Variants in WWP1 observed in about 807,000 individuals in gnomAD.
WWP1 encodes WW domain containing E3 ubiquitin protein ligase 1, also known as NEDD4-like E3 ubiquitin-protein ligase WWP1.
A neutral mutation model predicts 130.6 loss-of-function variants in WWP1; 49 were observed. The ratio of observed to expected loss-of-function variants is 0.38; its 90% CI spans 0.30 to 0.48. WWP1 has a LOEUF of 0.48. Among genes scored for constraint, WWP1 ranks in the 20% least tolerant of loss-of-function variants. WWP1 has a pLI of 0.99. For missense variants in WWP1, 809 were observed against 1,100.6 expected (o/e 0.74, Z 3.75); for synonymous variants, 332 against 367.8 (o/e 0.90, Z 1.11).
At chr8:86,379,012 C>T (rs1051280990) in intron 3 of WWP1, among the ~76,000 whole-genome samples, 4 of 152,170 alleles carry the variant, frequency 2.6e-5, no homozygotes, top group Non-Finnish European at 4.4e-5. Flanking sequence ...TAGTAAGTGG[C>T]ACATTTGAAA....
At chr8:86,414,650 A>T (rs915863592) in intron 9 of WWP1, among the ~76,000 whole-genome samples, 2 of 152,190 alleles carry the variant, frequency 1.3e-5, no homozygotes, top group East Asian at 3.9e-4. Context: ...GGATAGGACT[A>T]TGGGTGCCTC....
intron 3 of WWP1, among the ~76,000 whole-genome samples, chr8:86,376,393 A>G (rs1191140459): frequency 1.3e-5 from 2 of 151,806 alleles, no homozygotes; most frequent in African/African-American, 4.8e-5. Flanking sequence ...ACATGGTGAA[A>G]CCCCATCTCT....
At chr8:86,425,518 A>G (rs542582198) in intron 10 of WWP1, among the ~76,000 whole-genome samples, 200 bp downstream of exon 10, 74 of 152,354 alleles carry the variant, frequency 4.9e-4, no homozygotes, top group Admixed American at 1.6e-3. Flanking sequence ...AAGCATTGGC[A>G]TGAGTTACTG....
intron 5 of WWP1, among the ~76,000 whole-genome samples, chr8:86,381,853 C>G (rs1825003830): frequency 6.6e-6 from 1 of 152,184 alleles, no homozygotes; most frequent in Admixed American, 6.5e-5. Context: ...CACAAGTACC[C>G]TATTATCAGT....
chr8:86,347,757 A>G (rs1299124112), intron 1 of WWP1, among the ~76,000 whole-genome samples: 2 of 152,218 alleles, frequency 1.3e-5, no homozygotes, highest in African/African-American at 4.8e-5. Flanking sequence ...GCTTTTACAG[A>G]TGAAGTTTGT....
At chr8:86,349,393 C>G (rs1822786576) in intron 1 of WWP1, among the ~76,000 whole-genome samples, 1 of 152,150 alleles carries the variant, frequency 6.6e-6, no homozygotes, top group Non-Finnish European at 1.5e-5. Context: ...CTGGTTAAAG[C>G]AAGTCACAAA....
At chr8:86,381,368 C>T (rs959137747) in intron 4 of WWP1, 137 bp from the exon 5 acceptor site, 13 of 1,082,082 alleles carry the variant, frequency 1.2e-5, no homozygotes, top group Non-Finnish European at 1.7e-5. Context: ...CTGTTTCATA[C>T]AATATTTCTT....
chr8:86,383,055 A>T (rs968053321), intron 5 of WWP1, among the ~76,000 whole-genome samples: 1 of 152,224 alleles, frequency 6.6e-6, no homozygotes, highest in African/African-American at 2.4e-5. Context: ...AAATATAATT[A>T]TGGATTATAA....
At chr8:86,390,240 A>C (rs1025796161) in intron 5 of WWP1, among the ~76,000 whole-genome samples, 2 of 148,792 alleles carry the variant, frequency 1.3e-5, no homozygotes, top group African/African-American at 2.5e-5. Context: ...GGCTCCTCAC[A>C]TCCCAGACGA....
chr8:86,352,626 C>T (rs911955733), intron 1 of WWP1, among the ~76,000 whole-genome samples: 2 of 151,992 alleles, frequency 1.3e-5, no homozygotes, highest in Admixed American at 6.6e-5. Flanking sequence ...TGCCCTCTCT[C>T]CCAATGTGCT....
chr8:86,364,564 G>A (rs1308980709), intron 1 of WWP1, among the ~76,000 whole-genome samples: 2 of 152,042 alleles, frequency 1.3e-5, no homozygotes, highest in Non-Finnish European at 2.9e-5. Flanking sequence ...TCAGTGCTTT[G>A]GGAGTCTGGG....
At chr8:86,437,328 A>G (rs1810347772) in intron 16 of WWP1, among the ~76,000 whole-genome samples, 1 of 152,254 alleles carries the variant, frequency 6.6e-6, no homozygotes, top group Non-Finnish European at 1.5e-5. Context: ...GCCTGTGAAT[A>G]AATTCATCAT....
At position 86,468,082 on chromosome 8, in the gene WWP1, TTAATGC is replaced by T. The variant is rs1353838020; in HGVS notation, c.*1192_*1197del. On this transcript the variant is annotated 3_prime_UTR_variant, in exon 25 of 25. Coordinates refer to ENST00000517970, the MANE Select transcript of WWP1 (RefSeq NM_007013.4). ...AAATTAAAATCTGATGTGAATGATATTAATGCTACTTTTAGCAAACTGGGCTTCCTA... is the reference window on the plus strand; with the variant it reads ...AAATTAAAATCTGATGTGAATGATATTACTTTTAGCAAACTGGGCTTCCTA... The T allele has an allele frequency of 2.9e-5, 5 of 171,930 alleles. No individual in the cohort carries two copies. The highest frequency in any genetic ancestry group is 1.2e-4 in the African/African-American group (5 of 41,616). 10.7% of individuals were successfully genotyped at this position (171,930 alleles called of 1,614,324 possible).
chr8:86,390,039 C>G (rs1208191590), intron 5 of WWP1, among the ~76,000 whole-genome samples: 1 of 151,016 alleles, frequency 6.6e-6, no homozygotes, highest in East Asian at 2.0e-4. Flanking sequence ...GGCAGAGACA[C>G]TCCTCAGATC....
Position 86,427,704 on chromosome 8 carries a change from A to G in WWP1, c.1219A>G (p.Thr407Ala). Residue 407 changes from threonine (T) to alanine (A), a missense_variant, in exon 11 of 25, where the codon ACA becomes GCA. By Grantham distance (58) the Thr-to-Ala change is moderately conservative. Transcript: ENST00000517970. ...VYYVDHNTRT[T>A]TWQRPTMESV... is the part of the protein sequence containing the mutation. ...TTATGTGGATCATAACACCAGAACA[A>G]CAACGTGGCAGCGGCCTACCATGGA... 1.2e-6 allele frequency: 2 copies of G among 1,614,068 alleles called. No homozygotes were observed. The highest frequency in any genetic ancestry group is 1.3e-5 in the African/African-American group (1 of 75,056).
chr8:86,428,780 T>C (rs1586436380), intron 11 of WWP1, among the ~76,000 whole-genome samples: 1 of 152,178 alleles, frequency 6.6e-6, no homozygotes, highest in Non-Finnish European at 1.5e-5. Context: ...TAGCTGTATA[T>C]AGTAATTATA....
intron 16 of WWP1, among the ~76,000 whole-genome samples, chr8:86,436,160 A>G (rs564843469): frequency 1.3e-5 from 2 of 152,344 alleles, no homozygotes; most frequent in East Asian, 3.9e-4. Context: ...AGGTAAAGGT[A>G]CTGAGACTGA....
intron 8 of WWP1, among the ~76,000 whole-genome samples, chr8:86,407,639 G>C (rs1808354294): frequency 6.6e-6 from 1 of 152,084 alleles, no homozygotes; most frequent in African/African-American, 2.4e-5. Context: ...TATTATTGTG[G>C]CATCTTAATG....
chr8:86,440,870 T>G (rs1462390871), intron 17 of WWP1: 1 of 252,182 alleles, frequency 4.0e-6, no homozygotes, highest in Non-Finnish European at 7.9e-6. Context: ...TGCCCTACGT[T>G]TTGCTGCTTC....
Sources: allele counts gnomAD v4.1 joint callset (sites outside exome capture counted in the v4.1 genomes callset), GRCh38; gene constraint gnomAD v4.1.1; transcripts MANE v1.5; gene names NCBI Gene and HGNC (gene_info 2026-07-23, HGNC 2026-07-21).